Variants in SRFBP1 observed in about 807,000 individuals in gnomAD.
The protein encoded by SRFBP1 is serum response factor binding protein 1, also known as serum response factor-binding protein 1.
A neutral mutation model predicts 45.5 loss-of-function variants in SRFBP1; 47 were observed. The observed-to-expected ratio is 1.03, with a 90% CI of 0.82 to 1.32. The LOEUF (loss-of-function observed/expected upper bound fraction) is 1.32. Among genes scored for constraint, SRFBP1 ranks in the 40% most tolerant of loss-of-function variants. The pLI is 0.00. For synonymous variants in SRFBP1, 203 were observed against 166.3 expected (o/e 1.22, Z -1.70); for missense variants, 621 against 484.6 (o/e 1.28, Z -2.64).
At chr5:122,022,571 GTTTTC>G (rs1753384251) in intron 7 of SRFBP1, among the ~76,000 whole-genome samples, 164 bp downstream of exon 7, 1 of 152,040 alleles carries the variant, frequency 6.6e-6, no homozygotes, top group Non-Finnish European at 1.5e-5. Context: ...TTTGTTGTTG[GTTTTC>G]TTTTCTTCTG....
chr5:122,070,916 A>G (rs1754431629), intron 2 of SRFBP1: 1 of 185,314 alleles, frequency 5.4e-6, no homozygotes, highest in Admixed American at 6.1e-5. Flanking sequence ...TAAAGGCCAC[A>G]TAATAATTAT....
intron 2 of SRFBP1, chr5:122,074,215 G>A (rs1754547366): frequency 6.5e-7 from 1 of 1,533,374 alleles, no homozygotes; most frequent in Admixed American, 1.7e-5. Context: ...TACATACAGA[G>A]AAAGCAATGA....
At chr5:121,998,130 A>G (rs1293958595) in intron 4 of SRFBP1, among the ~76,000 whole-genome samples, 1 of 150,830 alleles carries the variant, frequency 6.6e-6, no homozygotes, top group Non-Finnish European at 1.5e-5. Context: ...ATCTAGAACT[A>G]GAAATACCAT....
intron 2 of SRFBP1, among the ~76,000 whole-genome samples, chr5:122,051,940 C>G (rs796872829): frequency 2.0e-5 from 3 of 152,174 alleles, no homozygotes; most frequent in Admixed American, 6.5e-5. Context: ...TAAGGCAGGT[C>G]TGATGATAAT....
chr5:122,053,945 C>T (rs987474617), intron 2 of SRFBP1, among the ~76,000 whole-genome samples: 3 of 152,164 alleles, frequency 2.0e-5, no homozygotes, highest in East Asian at 1.9e-4. Context: ...TAGCAAGCAT[C>T]GCCCACTTGA....
intron 2 of SRFBP1, chr5:122,069,853 A>T: frequency 1.7e-6 from 1 of 577,342 alleles, no homozygotes; most frequent in Non-Finnish European, 3.3e-6. Flanking sequence ...CTTCTCCTGA[A>T]AACTAAAAAC....
intron 3 of SRFBP1, among the ~76,000 whole-genome samples, chr5:121,975,810 C>T (rs895950193): frequency 6.6e-6 from 1 of 151,698 alleles, no homozygotes; most frequent in Non-Finnish European, 1.5e-5. Context: ...GTATTGGTAT[C>T]GGCATTTTAT....
intron 2 of SRFBP1, among the ~76,000 whole-genome samples, chr5:122,060,781 G>T (rs1754157361): frequency 6.6e-6 from 1 of 152,102 alleles, no homozygotes. Flanking sequence ...ATGTGATCTT[G>T]CTGGTGTTTG....
chr5:122,024,878 A>T lies in SRFBP1; in HGVS notation c.1106-2064A>T, dbSNP rs1327547849. On this transcript the variant is annotated intron_variant, in intron 7 of 7. Transcript: ENST00000339397. ...TACAACTCTATGTAATATATAAAAT[A>T]ATACATTCATTTAGAAATACTACCT... 2.0e-5 allele frequency among the ~76,000 whole-genome samples: 3 copies of T among 152,238 alleles called. No homozygotes were observed. In the East Asian group the frequency reaches 5.8e-4, roughly 29 times the overall value.
Position 122,026,930 on chromosome 5 carries a change from T to G in SRFBP1, c.1106-12T>G. 1.3e-6 allele frequency: 2 copies of G among 1,588,494 alleles called. No homozygotes were observed. The highest frequency in any genetic ancestry group is 1.7e-6 in the Non-Finnish European group (2 of 1,167,276). On this transcript the variant is annotated splice_polypyrimidine_tract_variant and intron_variant, in intron 7 of 7. Transcript: ENST00000339397. Reference sequence around the variant, plus strand: ...GTATATAGTTATTATTATTTTTGCTTTCTCTTCCTAGATTTTCCACAGAAT... The same window carrying G: ...GTATATAGTTATTATTATTTTTGCTGTCTCTTCCTAGATTTTCCACAGAAT...
In SRFBP1 at chr5:122,009,627, T is replaced by C. The variant is rs534293216; in HGVS notation, c.271-9633T>C. On this transcript the variant is annotated intron_variant, in intron 4 of 7. Transcript: ENST00000339397. ...TTCTTGGTAAGTTTTCCGAGTAGGG[T>C]GACCACAAATAGTTAAAATGACTGT... 3.8e-4 allele frequency among the ~76,000 whole-genome samples: 58 copies of C among 152,260 alleles called. 2 individuals carry two copies. The South Asian group carries it at 0.012, about 31-fold the overall frequency.
chr5:122,044,612 T>C (rs1032501361), intron 2 of SRFBP1, among the ~76,000 whole-genome samples: 8 of 152,184 alleles, frequency 5.3e-5, no homozygotes, highest in Non-Finnish European at 1.5e-5. Context: ...ATTAGTGATG[T>C]TGAGCATTTT....
chr5:122,007,701 C>T lies in SRFBP1; in HGVS notation c.271-11559C>T, dbSNP rs551206606. Among the ~76,000 whole-genome samples the T allele has an allele frequency of 1.4e-3, 214 of 150,730 alleles. 4 individuals are homozygous for T. Among genetic ancestry groups the T allele is most frequent in the African/African-American group, 5.2e-3 (208 of 40,138 alleles). On this transcript the variant is annotated intron_variant, in intron 4 of 7. Coordinates refer to ENST00000339397, the MANE Select transcript of SRFBP1 (RefSeq NM_152546.3). Reference sequence around the variant, plus strand: ...GGGAGTTTTCTGGGACAGACCTGGACCCTGGGTCTGCTGGAGAATGGAGCA... The same window carrying T: ...GGGAGTTTTCTGGGACAGACCTGGATCCTGGGTCTGCTGGAGAATGGAGCA...
chr5:121,997,727 C>G (rs1561585373), intron 4 of SRFBP1, among the ~76,000 whole-genome samples: 1 of 151,770 alleles, frequency 6.6e-6, no homozygotes, highest in Non-Finnish European at 1.5e-5. Context: ...AGTGAACAGG[C>G]AACCTGCAAA....
At chr5:122,001,232 A>G (rs955468164) in intron 4 of SRFBP1, among the ~76,000 whole-genome samples, 21 of 151,686 alleles carry the variant, frequency 1.4e-4, no homozygotes, top group African/African-American at 5.1e-4. Flanking sequence ...AGTAAAATGA[A>G]TAAAAGTTTG....
intron 2 of SRFBP1, among the ~76,000 whole-genome samples, chr5:122,044,515 ATTT>A (rs368837677): frequency 6.8e-6 from 1 of 146,298 alleles, no homozygotes; most frequent in Non-Finnish European, 1.5e-5. Flanking sequence ...AGCATCTATT[ATTT>A]TTTTTTTTTA....
Position 122,020,355 on chromosome 5 carries a change from C to A in SRFBP1, c.620C>A (p.Pro207His). 6.2e-7 allele frequency: 1 copy of A among 1,614,024 alleles called. No homozygotes were observed. Among genetic ancestry groups the A allele is most frequent in the Non-Finnish European group, 8.5e-7 (1 of 1,179,968 alleles). The change falls in exon 6 of 8, where the codon CCT becomes CAT. Residue 207 changes from proline to histidine, a missense_variant. Transcript: ENST00000339397. ...AVTIANSPSK[P>H]SEKDSVVSLE... Reference sequence around the variant, plus strand: ...ACTATTGCAAATTCTCCATCAAAGCCTTCAGAAAAGGATTCTGTAGTTTCC... The same window carrying A: ...ACTATTGCAAATTCTCCATCAAAGCATTCAGAAAAGGATTCTGTAGTTTCC...
chr5:122,005,955 T>C (rs1187785279), intron 4 of SRFBP1, among the ~76,000 whole-genome samples: 1 of 152,200 alleles, frequency 6.6e-6, no homozygotes, highest in Non-Finnish European at 1.5e-5. Context: ...ATTTAGAGTA[T>C]TAGGAGATTC....
At chr5:122,032,829 A>G (rs1753611760), downstream of SRFBP1, among the ~76,000 whole-genome samples, 2 of 152,222 alleles carry the variant, frequency 1.3e-5, no homozygotes, top group African/African-American at 4.8e-5. Flanking sequence ...ATGTAAATGC[A>G]TATGTAGTTT....
Sources: gnomAD v4.1 joint callset for allele counts (sites outside exome capture counted in the v4.1 genomes callset) on GRCh38, gnomAD v4.1.1 for gene constraint, MANE v1.5 for transcripts, NCBI Gene and HGNC (gene_info 2026-07-23, HGNC 2026-07-21) for gene names.